Variants in SNRPE observed in about 807,000 individuals in gnomAD.
SNRPE encodes the protein small nuclear ribonucleoprotein polypeptide E, also known as small nuclear ribonucleoprotein E.
For missense variants in SNRPE, 53 were observed against 111.6 expected, an observed-to-expected ratio of 0.48 and a Z score of 2.36; for synonymous variants, 35 against 36.7, an observed-to-expected ratio of 0.95 and a Z score of 0.17.
At chr1:203,867,279 CAAAAAAAAAA>C (rs200904781) in intron 4 of SNRPE, among the ~76,000 whole-genome samples, 1 of 142,624 alleles carries the variant, frequency 7.0e-6, no homozygotes, top group Non-Finnish European at 1.5e-5. Flanking sequence ...GACTCTGTCT[CAAAAAAAAAA>C]AAAAAAACAG....
At position 203,861,628 on chromosome 1, in the gene SNRPE, G is replaced by T. The variant is rs775445653; in HGVS notation, c.-32G>T. 388 of 1,589,230 alleles carry T rather than the reference G, an allele frequency of 2.4e-4. 1 individual carries two copies. Among genetic ancestry groups the T allele is most frequent in the Non-Finnish European group, 3.3e-4 (384 of 1,157,386 alleles). ...ATTCCGGAAGTTGCTCTCAGAGGCA[G>T]CGTGCGGGTGTGCTCTTTGTGAAAT... On this transcript the variant is annotated 5_prime_UTR_variant, in exon 1 of 5. Transcript: ENST00000414487.
intron 4 of SNRPE, among the ~76,000 whole-genome samples, chr1:203,866,299 G>C (rs1690087302): frequency 6.6e-6 from 1 of 152,158 alleles, no homozygotes; most frequent in African/African-American, 2.4e-5. Context: ...TATTATACTT[G>C]GGTTTTTATT....
At chr1:203,861,895 G>C in intron 1 of SNRPE, 182 bp downstream of exon 1, 1 of 645,038 alleles carries the variant, frequency 1.6e-6, no homozygotes, top group South Asian at 1.8e-5. Context: ...TGGTCTTGGG[G>C]GGACCCCTGC....
Position 203,870,956 on chromosome 1 carries a change from C to T in SNRPE, c.*1024C>T, listed in dbSNP as rs982017666. Among the ~76,000 whole-genome samples, 8 of 152,320 alleles carry T rather than the reference C, an allele frequency of 5.3e-5. No individual in the cohort carries two copies. The East Asian group carries it at 1.5e-3, about 29-fold the overall frequency. On this transcript the variant is annotated 3_prime_UTR_variant, in exon 5 of 5. Coordinates refer to ENST00000414487, the MANE Select transcript of SNRPE (RefSeq NM_003094.4). The stretch of plus-strand genomic sequence containing the variant: ...GAGGAAGGACCAAGAAGTCTGGCTC[C>T]TGCTTTTCTACATGCCTGTGAAGGA...
At position 203,867,527 on chromosome 1, in the gene SNRPE, G is replaced by C. The variant is rs561192013; in HGVS notation, c.224-2350G>C. Among the ~76,000 whole-genome samples the C allele has an allele frequency of 3.3e-5, 5 of 152,282 alleles. No homozygotes were observed. The East Asian group carries it at 9.6e-4, about 29-fold the overall frequency. ...CCACAACTAGACAGTCCCATCTGGG[G>C]GTGATGGGAGACAGTGACAGATCAT... On this transcript the variant is annotated intron_variant, in intron 4 of 4. Transcript: ENST00000414487.
chr1:203,862,339 G>C, intron 2 of SNRPE, 117 bp downstream of exon 2: 1 of 759,512 alleles, frequency 1.3e-6, no homozygotes, highest in Middle Eastern at 3.4e-4. Flanking sequence ...TGTAACTGGA[G>C]ATTGGAGGGT....
intron 1 of SNRPE, 141 bp from the exon 2 acceptor site, chr1:203,862,055 C>T (rs1689988864): frequency 2.9e-6 from 2 of 697,532 alleles, no homozygotes; most frequent in African/African-American, 1.8e-5. Context: ...AACGAATGCC[C>T]AGCTGGGCAC....
intron 4 of SNRPE, among the ~76,000 whole-genome samples, chr1:203,867,503 CACAACTAG>C (rs942586621): frequency 6.6e-6 from 1 of 152,136 alleles, no homozygotes; most frequent in Non-Finnish European, 1.5e-5. Context: ...CCTGTTTTCC[CACAACTAG>C]ACAGTCCCAT....
intron 4 of SNRPE, among the ~76,000 whole-genome samples, chr1:203,868,960 TA>T (rs1690151760): frequency 6.6e-6 from 1 of 152,184 alleles, no homozygotes; most frequent in African/African-American, 2.4e-5. Context: ...TGAGCCACCA[TA>T]CCCAGCCGGG....
intron 2 of SNRPE, 41 bp from the exon 3 acceptor site, chr1:203,863,622 T>C (rs1039440849): frequency 1.3e-6 from 2 of 1,518,390 alleles, no homozygotes; most frequent in African/African-American, 1.4e-5. Context: ...CCCGGCCCTA[T>C]TTTTCTTTTT....
At chr1:203,869,815 T>C in intron 4 of SNRPE, 62 bp from the exon 5 acceptor site, 1 of 1,156,358 alleles carries the variant, frequency 8.6e-7, no homozygotes, top group Non-Finnish European at 1.3e-6. Context: ...GATACAAAAT[T>C]CTGAGAGTAA....
chr1:203,865,262 T>A (rs1243112669), intron 4 of SNRPE, 143 bp downstream of exon 4: 5 of 728,876 alleles, frequency 6.9e-6, no homozygotes, highest in Non-Finnish European at 1.1e-5. Flanking sequence ...TTTGAAATCA[T>A]CCTCTACTAC....
chr1:203,865,226 GTTA>G (rs1690063112), intron 4 of SNRPE, 107 bp downstream of exon 4: 11 of 1,037,610 alleles, frequency 1.1e-5, no homozygotes, highest in Non-Finnish European at 1.4e-5. Flanking sequence ...CATTTGAGAA[GTTA>G]TTATTCAGAG....
chr1:203,866,585 T>C (rs1346562190), intron 4 of SNRPE, among the ~76,000 whole-genome samples: 1 of 152,194 alleles, frequency 6.6e-6, no homozygotes, highest in Non-Finnish European at 1.5e-5. Flanking sequence ...AGCTATTGTA[T>C]TATTATTTCC....
chr1:203,863,598 C>T lies in SNRPE; in HGVS notation c.82-65C>T, dbSNP rs1313287693. On this transcript the variant is annotated intron_variant, in intron 2 of 4. Transcript: ENST00000414487. Reference sequence around the variant, plus strand: ...CCTCCGAAAGTGCTGGGATTACAGGCGTGAGCCACCGCGCCCGGCCCTATT... The same window carrying T: ...CCTCCGAAAGTGCTGGGATTACAGGTGTGAGCCACCGCGCCCGGCCCTATT... 11 of 1,123,926 alleles carry T rather than the reference C, an allele frequency of 9.8e-6. No homozygotes were observed. In the African/African-American group the frequency reaches 1.4e-4, roughly 14 times the overall value. The allele number at this position is 1,123,926 out of a possible 1,614,324, so 69.6% of individuals were successfully genotyped here. A position where few individuals can be genotyped will look rare whatever the true frequency, so the allele number is the denominator to read the frequency against.
rs1689977187 is a variant in SNRPE, at chr1:203,861,612, GTTGCTCTC to G, written c.-47_-40del. On this transcript the variant is annotated 5_prime_UTR_variant, in exon 1 of 5. Coordinates refer to ENST00000414487, the MANE Select transcript of SNRPE (RefSeq NM_003094.4). ...CCGCTTCCGGTTCTTTATTCCGGAAGTTGCTCTCAGAGGCAGCGTGCGGGTGTGCTCTT... is the reference window on the plus strand; with the variant it reads ...CCGCTTCCGGTTCTTTATTCCGGAAGAGAGGCAGCGTGCGGGTGTGCTCTT... 6.7e-7 allele frequency: 1 copy of G among 1,495,152 alleles called. No individual in the cohort carries two copies. The highest frequency in any genetic ancestry group is 1.7e-5 in the Admixed American group (1 of 59,740). The allele number at this position is 1,495,152 out of a possible 1,614,324, so 92.6% of individuals were successfully genotyped here. A position where few individuals can be genotyped will look rare whatever the true frequency, so the allele number is the denominator to read the frequency against.
At position 203,863,643 on chromosome 1, in the gene SNRPE, C is replaced by T. The variant is rs1414977530; in HGVS notation, c.82-20C>T. On this transcript the variant is annotated intron_variant, in intron 2 of 4. Coordinates refer to ENST00000414487, the MANE Select transcript of SNRPE (RefSeq NM_003094.4). ...CCTATTTTTCTTTTTTTAACGTTTC[C>T]ACTTTTATGATTATTTCAGAGATCG... 1.2e-6 allele frequency: 2 copies of T among 1,602,140 alleles called. No homozygotes were observed. Among genetic ancestry groups the T allele is most frequent in the Admixed American group, 1.7e-5 (1 of 59,824 alleles).
In SNRPE at chr1:203,870,033, C is replaced by G. The variant is rs141330314; in HGVS notation, c.*101C>G. 1 of 672,682 alleles carries G rather than the reference C, an allele frequency of 1.5e-6. No individual in the cohort carries two copies. The highest frequency in any genetic ancestry group is 2.5e-6 in the Non-Finnish European group (1 of 406,530). The allele number at this position is 672,682 out of a possible 1,614,324, so 41.7% of individuals were successfully genotyped here. ...TTATTCATATTGTTTTGATTACCCT[C>G]GTGTTACTACAAGATGGCAATAAAT... On this transcript the variant is annotated 3_prime_UTR_variant, in exon 5 of 5. Transcript: ENST00000414487.
chr1:203,870,817 G>A lies in SNRPE; in HGVS notation c.*885G>A, dbSNP rs116257093. On this transcript the variant is annotated 3_prime_UTR_variant, in exon 5 of 5. Transcript: ENST00000414487. ...TTGAATCAATACAGTGAAACAGACAGGTAAGCAGGTGGTTTTAATGCCTCA... is the reference window on the plus strand; with the variant it reads ...TTGAATCAATACAGTGAAACAGACAAGTAAGCAGGTGGTTTTAATGCCTCA... Among the ~76,000 whole-genome samples the A allele has an allele frequency of 0.024, 3,636 of 152,290 alleles. 57 individuals are homozygous for A. The highest frequency in any genetic ancestry group is 0.036 in the Non-Finnish European group (2,475 of 68,020).
Sources: allele counts gnomAD v4.1 joint callset (sites outside exome capture counted in the v4.1 genomes callset), GRCh38; gene constraint gnomAD v4.1.1; transcripts MANE v1.5; gene names NCBI Gene and HGNC (gene_info 2026-07-23, HGNC 2026-07-21).